Variants in PXDNL observed in about 807,000 individuals in gnomAD.
PXDNL encodes the protein peroxidasin like.
PXDNL carries 145 observed loss-of-function variants against 150.8 expected under a neutral mutation model. The observed-to-expected ratio is 0.96, with a 90% CI of 0.84 to 1.10. The LOEUF is 1.10. PXDNL is among the 50% of genes least tolerant of loss of function. PXDNL has a pLI of 0.00. For synonymous variants in PXDNL, 757 were observed against 725.7 expected, an observed-to-expected ratio of 1.04 and a Z score of -0.69; for missense variants, 2,087 against 1,873.9, an observed-to-expected ratio of 1.11 and a Z score of -2.10.
intron 4 of PXDNL, among the ~76,000 whole-genome samples, chr8:51,528,514 C>T (rs1430767300): frequency 6.6e-6 from 1 of 152,118 alleles, no homozygotes; most frequent in Admixed American, 6.6e-5. Context: ...GATGTAAATG[C>T]CTTAATCTCC....
At chr8:51,527,323 G>T (rs895954872) in intron 4 of PXDNL, among the ~76,000 whole-genome samples, 3 of 151,988 alleles carry the variant, frequency 2.0e-5, no homozygotes, top group African/African-American at 7.3e-5. Flanking sequence ...GATTTAGCAC[G>T]TTTGCTCCCT....
At chr8:51,449,713 C>T (rs765116924) in intron 10 of PXDNL, among the ~76,000 whole-genome samples, 3 of 152,184 alleles carry the variant, frequency 2.0e-5, no homozygotes, top group Non-Finnish European at 4.4e-5. Flanking sequence ...GGATTCTGTC[C>T]GTGACTCTTT....
intron 4 of PXDNL, among the ~76,000 whole-genome samples, chr8:51,529,802 A>G (rs980758812): frequency 2.0e-5 from 3 of 152,044 alleles, no homozygotes; most frequent in African/African-American, 7.3e-5. Flanking sequence ...CACCCCTTCC[A>G]TTCTTCCACA....
At chr8:51,696,821 ACAC>A (rs1816151224) in intron 1 of PXDNL, among the ~76,000 whole-genome samples, 1 of 145,992 alleles carries the variant, frequency 6.8e-6, no homozygotes, top group Non-Finnish European at 1.5e-5. Context: ...ACACACACAC[ACAC>A]ACACACACAC....
At chr8:51,669,834 T>A (rs1247172053) in intron 1 of PXDNL, among the ~76,000 whole-genome samples, 1 of 152,160 alleles carries the variant, frequency 6.6e-6, no homozygotes, top group Non-Finnish European at 1.5e-5. Context: ...TTCACACACA[T>A]TTAAAAAAAT....
At chr8:51,803,848 T>C (rs751717933) in intron 1 of PXDNL, among the ~76,000 whole-genome samples, 4 of 152,238 alleles carry the variant, frequency 2.6e-5, no homozygotes, top group African/African-American at 7.2e-5. Context: ...GTTAGCCCAA[T>C]GACTTTCAGA....
At chr8:51,331,366 A>G (rs1253133816) in intron 21 of PXDNL, among the ~76,000 whole-genome samples, 3 of 152,142 alleles carry the variant, frequency 2.0e-5, no homozygotes, top group African/African-American at 7.2e-5. Flanking sequence ...CCTGCCTGAC[A>G]CTGCAGGGAT....
intron 21 of PXDNL, among the ~76,000 whole-genome samples, chr8:51,323,677 G>A (rs1171159771): frequency 1.3e-5 from 2 of 152,108 alleles, no homozygotes; most frequent in Admixed American, 6.6e-5. Context: ...ACTTTGGGAG[G>A]CTGAGGCAGG....
intron 19 of PXDNL, among the ~76,000 whole-genome samples, chr8:51,354,980 C>T (rs1431625): frequency 0.73 from 111,360 of 151,912 alleles, 41,359 homozygotes; most frequent in East Asian, 0.94. Flanking sequence ...GTAATGTTCT[C>T]ACCTTGATTT....
chr8:51,722,123 C>T, intron 1 of PXDNL: 1 of 170,046 alleles, frequency 5.9e-6, no homozygotes, highest in South Asian at 1.5e-4. Context: ...CTGGTGCCTG[C>T]AGTCGGCTGA....
chr8:51,597,593 TG>T (rs1247461740), intron 2 of PXDNL, among the ~76,000 whole-genome samples: 1 of 152,122 alleles, frequency 6.6e-6, no homozygotes, highest in Non-Finnish European at 1.5e-5. Context: ...CAGTTTTTTT[TG>T]TTTTGTTTTC....
intron 19 of PXDNL, among the ~76,000 whole-genome samples, chr8:51,357,149 T>C (rs1202988974): frequency 2.0e-5 from 3 of 152,234 alleles, no homozygotes; most frequent in African/African-American, 7.2e-5. Flanking sequence ...GGCCAGAATA[T>C]CCCATTATTT....
chr8:51,456,249 T>C lies in PXDNL; in HGVS notation c.982+1249A>G, dbSNP rs112898127. 8.9e-3 allele frequency among the ~76,000 whole-genome samples: 1,349 copies of C among 152,284 alleles called. 11 individuals are homozygous for C. The highest frequency in any genetic ancestry group is 0.031 in the African/African-American group (1,293 of 41,560). On this transcript the variant is annotated intron_variant, in intron 9 of 22. Coordinates refer to ENST00000356297, the MANE Select transcript of PXDNL (RefSeq NM_144651.5). ...ACTTTATACCTCACCAAATCTCGTG[T>C]CATTCCCAGCCTCTCCTCTGTATGC...
In PXDNL at chr8:51,492,703, A is replaced by G. The variant is rs530997697; in HGVS notation, c.452+6996T>C. Among the ~76,000 whole-genome samples the G allele has an allele frequency of 8.5e-5, 13 of 152,254 alleles. 1 individual carries two copies. The highest frequency in any genetic ancestry group is 3.1e-4 in the African/African-American group (13 of 41,550). On this transcript the variant is annotated intron_variant, in intron 5 of 22. Transcript: ENST00000356297. ...CTCATTGCTAGCACAGCAGTCTCAGATCAAACTGCAAGGAGGTAGTGAGGC... is the reference window on the plus strand; with the variant it reads ...CTCATTGCTAGCACAGCAGTCTCAGGTCAAACTGCAAGGAGGTAGTGAGGC...
intron 1 of PXDNL, among the ~76,000 whole-genome samples, chr8:51,730,298 A>C (rs1816894406): frequency 6.6e-6 from 1 of 152,236 alleles, no homozygotes; most frequent in Non-Finnish European, 1.5e-5. Flanking sequence ...TAAAGTGTCA[A>C]CATAATCAAA....
At chr8:51,658,871 C>T (rs548613038) in intron 1 of PXDNL, among the ~76,000 whole-genome samples, 9 of 152,304 alleles carry the variant, frequency 5.9e-5, no homozygotes, top group African/African-American at 2.2e-4. Flanking sequence ...TGCAGACAGA[C>T]CACACCGTTC....
At chr8:51,541,341 G>A (rs1317326577) in intron 4 of PXDNL, among the ~76,000 whole-genome samples, 1 of 151,628 alleles carries the variant, frequency 6.6e-6, no homozygotes, top group African/African-American at 2.4e-5. Flanking sequence ...TTACTTTTGT[G>A]CTTTATAAAG....
intron 1 of PXDNL, among the ~76,000 whole-genome samples, chr8:51,779,066 T>C (rs1398976006): frequency 6.6e-6 from 1 of 152,134 alleles, no homozygotes; most frequent in Non-Finnish European, 1.5e-5. Context: ...CTGATAACCA[T>C]AAACAAAGAA....
intron 2 of PXDNL, among the ~76,000 whole-genome samples, chr8:51,654,085 G>T (rs1262326404): frequency 2.0e-5 from 3 of 152,058 alleles, no homozygotes; most frequent in Non-Finnish European, 2.9e-5. Context: ...ATGTGCATTC[G>T]GATCCAAATA....
Sources: allele counts gnomAD v4.1 joint callset (sites outside exome capture counted in the v4.1 genomes callset), GRCh38; gene constraint gnomAD v4.1.1; transcripts MANE v1.5; gene names NCBI Gene and HGNC (gene_info 2026-07-23, HGNC 2026-07-21).